Variants in TUBB8B observed in about 807,000 individuals in gnomAD.
TUBB8B encodes the protein tubulin beta 8B.
Under a neutral mutation model 31.9 loss-of-function variants are expected in TUBB8B, and 26 were observed. The ratio of observed to expected loss-of-function variants is 0.81; its 90% CI spans 0.60 to 1.13. The LOEUF (loss-of-function observed/expected upper bound fraction) is 1.13, where lower values mean the gene tolerates loss of function less well. Among genes scored for constraint, TUBB8B ranks in the 50% most tolerant of loss-of-function variants. The pLI, the probability that TUBB8B is intolerant of heterozygous loss-of-function variation, is 0.00. For synonymous variants in TUBB8B, 173 were observed against 231.0 expected, an observed-to-expected ratio of 0.75 and a Z score of 2.28; for missense variants, 467 against 586.7, an observed-to-expected ratio of 0.80 and a Z score of 2.11.
chr18:69,921 C>T, the TUBB8B span, among the ~76,000 whole-genome samples: 54 of 152,068 alleles, frequency 3.6e-4, no homozygotes, highest in African/African-American at 1.3e-3. Flanking sequence ...CTTTGGGAGG[C>T]CGAGGCGGGC....
Position 47,812 on chromosome 18 carries a change from G to T in TUBB8B, c.913C>A (p.Pro305Thr). ...DAKNMMAACD[P>T]RHGCYLTVAA... ...ACCGTTAGGTAGCAGCCGTGACGGG[G>T]GTCACAGGCAGCCATCATGTTCTTA... The change falls in exon 4 of 4, where the codon CCC becomes ACC. Residue 305 changes from proline (P) to threonine (T), a missense_variant. This residue lies in a region of TUBB8B where 208 missense variants were observed against 206.7 expected (regional missense o/e 1.01). Coordinates refer to ENST00000308911, the MANE Select transcript of TUBB8B (RefSeq NM_001358689.2). The T allele has an allele frequency of 6.2e-7, 1 of 1,611,818 alleles. No individual in the cohort carries two copies. Among genetic ancestry groups the T allele is most frequent in the Non-Finnish European group, 8.5e-7 (1 of 1,179,584 alleles).
upstream of TUBB8B, among the ~76,000 whole-genome samples, chr18:52,407 C>A (rs572300048): frequency 2.6e-5 from 4 of 151,742 alleles, no homozygotes; most frequent in African/African-American, 9.7e-5. Flanking sequence ...CAAATCCATT[C>A]TTCTCAATAT....
chr18:53,935 T>G (rs55685325), upstream of TUBB8B, among the ~76,000 whole-genome samples: 1 of 150,660 alleles, frequency 6.6e-6, no homozygotes, highest in African/African-American at 2.4e-5. Context: ...AGGCCATACC[T>G]CTTAGTTTCA....
chr18:50,990 T>C (rs2144065922), upstream of TUBB8B, among the ~76,000 whole-genome samples: 2 of 152,004 alleles, frequency 1.3e-5, no homozygotes, highest in East Asian at 3.9e-4. Context: ...AGCATAAGCA[T>C]GAAGCACTAA....
chr18:54,695 GC>G, the TUBB8B span, among the ~76,000 whole-genome samples: 1 of 151,902 alleles, frequency 6.6e-6, no homozygotes, highest in Non-Finnish European at 1.5e-5. Flanking sequence ...TTCTGTTACT[GC>G]AAATGACAGA....
upstream of TUBB8B, among the ~76,000 whole-genome samples, chr18:52,107 G>A (rs1354830669): frequency 6.6e-6 from 1 of 151,824 alleles, no homozygotes. Flanking sequence ...ACCTTCCCTT[G>A]GTGTGGGGTC....
the TUBB8B span, among the ~76,000 whole-genome samples, chr18:64,449 G>A: frequency 6.6e-6 from 1 of 152,142 alleles, no homozygotes; most frequent in Non-Finnish European, 1.5e-5. Flanking sequence ...TGCAGGCTGG[G>A]CATGGTGGCT....
chr18:62,773 C>A, the TUBB8B span, among the ~76,000 whole-genome samples: 1 of 151,784 alleles, frequency 6.6e-6, no homozygotes, highest in Non-Finnish European at 1.5e-5. Flanking sequence ...AGGCCAATAA[C>A]TCTTAGATTC....
At chr18:63,689 CCCTAACCCTAACCCTAACCCTAACA>C in the TUBB8B span, among the ~76,000 whole-genome samples, 1 of 131,446 alleles carries the variant, frequency 7.6e-6, no homozygotes, top group Non-Finnish European at 1.6e-5. Context: ...TAACCCTAAC[CCCTAACCCTAACCCTAACCCTAACA>C]CTAACCCTAA....
the TUBB8B span, among the ~76,000 whole-genome samples, chr18:70,051 A>G: frequency 7.6e-3 from 1,151 of 152,156 alleles, 7 homozygotes; most frequent in African/African-American, 0.026. Flanking sequence ...CAGCTACTCA[A>G]GAGGCTGAGG....
At chr18:49,909 A>G (rs111385755), upstream of TUBB8B, 1,633 of 494,452 alleles carry the variant, frequency 3.3e-3, 22 homozygotes, top group African/African-American at 0.029. Context: ...GCTTGTTTCC[A>G]TATGCACGGA....
chr18:73,507 G>C, the TUBB8B span: 2 of 153,850 alleles, frequency 1.3e-5, no homozygotes, highest in African/African-American at 2.4e-5. Flanking sequence ...CGTGCGGTTC[G>C]GACACGGTTC....
rs768731506 is a variant in TUBB8B at position 49,031 on chromosome 18, G to A, written c.186C>T (p.Arg62=). 21 of 1,607,800 alleles carry A rather than the reference G, an allele frequency of 1.3e-5. No homozygotes were observed. Among genetic ancestry groups the A allele is most frequent in the Admixed American group, 1.2e-4 (7 of 59,894 alleles). Residue 62 remains arginine, a synonymous_variant, in exon 3 of 4, where the codon CGC becomes CGT. Transcript: ENST00000308911. ...HEASGGRYVP[R]AVLVDLEPGT... is the part of the protein sequence containing the mutation. ...CCGGCTCCAGATCCACGAGCACAGC[G>A]CGGGGCACGTACCTGCCACCTGCGT... is the stretch of plus-strand genomic sequence containing the variant.
chr18:49,685 C>T (rs1297001250), upstream of TUBB8B: 8 of 704,172 alleles, frequency 1.1e-5, no homozygotes, highest in Non-Finnish European at 5.3e-6. Context: ...GATTGGGCTC[C>T]CAGAATAAGC....
At chr18:53,588 C>G (rs1600581542), upstream of TUBB8B, among the ~76,000 whole-genome samples, 1 of 151,792 alleles carries the variant, frequency 6.6e-6, no homozygotes, top group Admixed American at 6.6e-5. Flanking sequence ...CCTGCCTCAG[C>G]CTCCCAAGTA....
chr18:51,637 A>C (rs1466482728), upstream of TUBB8B, among the ~76,000 whole-genome samples: 2 of 151,812 alleles, frequency 1.3e-5, no homozygotes, highest in Admixed American at 1.3e-4. Flanking sequence ...ACGGAGTTTC[A>C]CCATGTTGGC....
chr18:50,844 A>C (rs1231893650), upstream of TUBB8B, among the ~76,000 whole-genome samples: 12 of 152,026 alleles, frequency 7.9e-5, no homozygotes, highest in African/African-American at 2.9e-4. Flanking sequence ...TTACATGGTC[A>C]GTCTCTCTTT....
chr18:48,733 G>C, intron 3 of TUBB8B: 2 of 699,192 alleles, frequency 2.9e-6, no homozygotes. Context: ...CTCCCGGCAG[G>C]GACATCAGTA....
At chr18:64,008 A>C in the TUBB8B span, among the ~76,000 whole-genome samples, 1 of 142,092 alleles carries the variant, frequency 7.0e-6, no homozygotes, top group Non-Finnish European at 1.5e-5. Context: ...ACCCCTAACC[A>C]CTGACCCCAA....
Sources: allele counts gnomAD v4.1 joint callset (sites outside exome capture counted in the v4.1 genomes callset), GRCh38; gene constraint gnomAD v4.1.1; regional missense constraint gnomAD v4.1.1; transcripts MANE v1.5; gene names NCBI Gene and HGNC (gene_info 2026-07-23, HGNC 2026-07-21).